Variants in NRG1 observed in about 807,000 individuals in gnomAD.
The protein encoded by NRG1 is neuregulin 1, also known as pro-neuregulin-1, membrane-bound isoform.
A neutral mutation model predicts 63.8 loss-of-function variants in NRG1; 18 were observed. The observed-to-expected ratio is 0.28, with a 90% CI of 0.19 to 0.42. The LOEUF (loss-of-function observed/expected upper bound fraction) is 0.42, where lower values mean the gene tolerates loss of function less well. NRG1 is among the 10% of genes least tolerant of loss of function. The probability of loss-of-function intolerance (pLI) is 1.00; values close to 1 mark genes in which losing one functional copy is unlikely to be tolerated. For missense variants in NRG1, 762 were observed against 814.7 expected (o/e 0.94, Z 0.79); for synonymous variants, 302 against 301.3 (o/e 1.00, Z -0.02).
intron 1 of NRG1, among the ~76,000 whole-genome samples, chr8:31,938,843 A>C (rs1368092602): frequency 1.3e-5 from 2 of 152,214 alleles, no homozygotes; most frequent in Non-Finnish European, 2.9e-5. Flanking sequence ...ATTTGAATTA[A>C]CTCAGTCCAT....
chr8:31,711,062 A>T (rs1381178614), intron 1 of NRG1, among the ~76,000 whole-genome samples: 1 of 152,094 alleles, frequency 6.6e-6, no homozygotes, highest in Non-Finnish European at 1.5e-5. Context: ...TGCTTTAATG[A>T]TATTACTTGA....
rs772665783 is a variant in NRG1, at chr8:32,605,543, T to G, written c.279-19T>G. ...TTTCTGTGATATATACTGACACCAC[T>G]TTGGTCCTGATCTTATAGGAAGTCA... is the stretch of plus-strand genomic sequence containing the variant. On this transcript the variant is annotated intron_variant, in intron 2 of 11. Coordinates refer to ENST00000356819, the Ensembl canonical transcript of NRG1. 6.2e-7 allele frequency: 1 copy of G among 1,612,446 alleles called. No individual in the cohort carries two copies. The highest frequency in any genetic ancestry group is 8.5e-7 in the Non-Finnish European group (1 of 1,178,902).
At chr8:32,036,739 G>A (rs1195162582) in intron 1 of NRG1, among the ~76,000 whole-genome samples, 1 of 152,048 alleles carries the variant, frequency 6.6e-6, no homozygotes, top group Admixed American at 6.5e-5. Context: ...TGATACTCGT[G>A]GTTGCATTGT....
At chr8:31,910,099 A>G (rs1350494626) in intron 1 of NRG1, among the ~76,000 whole-genome samples, 2 of 152,368 alleles carry the variant, frequency 1.3e-5, no homozygotes, top group African/African-American at 2.4e-5. Flanking sequence ...ACTTATTTCC[A>G]TAGGGTTTCT....
intron 1 of NRG1, among the ~76,000 whole-genome samples, chr8:32,384,964 T>G (rs768791800): frequency 6.6e-6 from 1 of 152,232 alleles, no homozygotes; most frequent in African/African-American, 2.4e-5. Context: ...GTTCCTGAAC[T>G]TGTCCCCTTA....
intron 1 of NRG1, among the ~76,000 whole-genome samples, chr8:32,048,739 A>G (rs1341669982): frequency 6.6e-6 from 1 of 151,816 alleles, no homozygotes; most frequent in Non-Finnish European, 1.5e-5. Context: ...AGCATTTTTC[A>G]TATGCCCGAT....
At chr8:32,550,374 C>T (rs1833888653) in intron 1 of NRG1, among the ~76,000 whole-genome samples, 1 of 152,090 alleles carries the variant, frequency 6.6e-6, no homozygotes, top group Non-Finnish European at 1.5e-5. Flanking sequence ...CTAAGGTCAT[C>T]ATAGTACATT....
intron 1 of NRG1, among the ~76,000 whole-genome samples, chr8:32,186,837 T>C (rs2132152432): frequency 6.6e-6 from 1 of 152,298 alleles, no homozygotes; most frequent in African/African-American, 2.4e-5. Flanking sequence ...CAGCCCAGCC[T>C]CTCTGCCCTA....
intron 1 of NRG1, among the ~76,000 whole-genome samples, chr8:32,235,314 G>A (rs1004714487): frequency 6.0e-5 from 9 of 150,186 alleles, no homozygotes; most frequent in African/African-American, 1.5e-4. Context: ...TGGGAGGATC[G>A]CTTGAACCCT....
intron 1 of NRG1, among the ~76,000 whole-genome samples, chr8:31,887,128 C>T (rs1268673506): frequency 6.6e-6 from 1 of 151,964 alleles, no homozygotes; most frequent in Non-Finnish European, 1.5e-5. Flanking sequence ...TCCTGGGACC[C>T]CTGCTTGTTA....
At chr8:32,491,573 A>G (rs558686051) in intron 1 of NRG1, among the ~76,000 whole-genome samples, 1 of 152,310 alleles carries the variant, frequency 6.6e-6, no homozygotes, top group South Asian at 2.1e-4. Flanking sequence ...GTTATTGGAT[A>G]CGTACCAGGT....
At chr8:32,502,543 TTCTC>T (rs201785607) in intron 1 of NRG1, among the ~76,000 whole-genome samples, 2 of 148,902 alleles carry the variant, frequency 1.3e-5, no homozygotes, top group African/African-American at 2.5e-5. Context: ...CTCTCTTCTG[TTCTC>T]TCTCTCTCTC....
intron 1 of NRG1, among the ~76,000 whole-genome samples, chr8:32,076,195 C>T (rs146206626): frequency 6.6e-6 from 1 of 152,084 alleles, no homozygotes; most frequent in African/African-American, 2.4e-5. Context: ...TTCTCCTGAC[C>T]CTTTCATGAG....
At chr8:31,685,786 G>A (rs1347230695) in intron 1 of NRG1, among the ~76,000 whole-genome samples, 1 of 152,052 alleles carries the variant, frequency 6.6e-6, no homozygotes, top group African/African-American at 2.4e-5. Context: ...TGGCTTCTTT[G>A]ACTTAGCATG....
At chr8:31,935,980 C>T (rs927327716) in intron 1 of NRG1, among the ~76,000 whole-genome samples, 1 of 151,820 alleles carries the variant, frequency 6.6e-6, no homozygotes, top group African/African-American at 2.4e-5. Flanking sequence ...AGCATAATAG[C>T]AGATAGGAGT....
chr8:31,787,203 A>G (rs1029313817), intron 1 of NRG1, among the ~76,000 whole-genome samples: 1 of 152,150 alleles, frequency 6.6e-6, no homozygotes, highest in Non-Finnish European at 1.5e-5. Flanking sequence ...TATAATACGA[A>G]TTTTTTTATA....
At chr8:32,652,679 C>T (rs986209205) in intron 5 of NRG1, among the ~76,000 whole-genome samples, 90 of 152,232 alleles carry the variant, frequency 5.9e-4, no homozygotes, top group Non-Finnish European at 1.1e-3. Context: ...AAATCTCTAG[C>T]CAATGACCAA....
At chr8:31,939,845 G>T (rs1801488751) in intron 1 of NRG1, among the ~76,000 whole-genome samples, 1 of 152,068 alleles carries the variant, frequency 6.6e-6, no homozygotes, top group South Asian at 2.1e-4. Flanking sequence ...ATGTTAAAGG[G>T]ATTAGTCTGG....
intron 1 of NRG1, among the ~76,000 whole-genome samples, chr8:32,415,798 G>T (rs1455692369): frequency 6.6e-6 from 1 of 151,930 alleles, no homozygotes; most frequent in African/African-American, 2.4e-5. Context: ...ACAACCTGTG[G>T]TTTTTGTATC....
Sources: gnomAD v4.1 joint callset for allele counts (sites outside exome capture counted in the v4.1 genomes callset) on GRCh38, gnomAD v4.1.1 for gene constraint, MANE v1.5 for transcripts, NCBI Gene and HGNC (gene_info 2026-07-23, HGNC 2026-07-21) for gene names.